SFMBT2: variants seen among roughly 807,000 people sequenced by gnomAD.
The protein encoded by SFMBT2 is Scm like with four mbt domains 2, also known as scm-like with four MBT domains protein 2.
Under a neutral mutation model 110.1 loss-of-function variants are expected in SFMBT2, and 38 were observed. The observed-to-expected ratio is 0.35, with a 90% CI of 0.27 to 0.45. SFMBT2 has a LOEUF of 0.45. SFMBT2 is among the 20% of genes least tolerant of loss of function. The pLI, the probability that SFMBT2 is intolerant of heterozygous loss-of-function variation, is 1.00. For missense variants in SFMBT2, 1,011 were observed against 1,094.9 expected (o/e 0.92, Z 1.08); for synonymous variants, 425 against 425.4 (o/e 1.00, Z 0.01).
At chr10:7,194,580 A>G (rs547727022) in intron 15 of SFMBT2, among the ~76,000 whole-genome samples, 4 of 152,298 alleles carry the variant, frequency 2.6e-5, no homozygotes, top group African/African-American at 9.6e-5. Flanking sequence ...CTTTACTTCC[A>G]TTACCTCGTT....
At chr10:7,364,721 G>A (rs189697360) in intron 4 of SFMBT2, among the ~76,000 whole-genome samples, 26 of 152,340 alleles carry the variant, frequency 1.7e-4, no homozygotes, top group African/African-American at 5.5e-4. Flanking sequence ...GATGGGGCCT[G>A]AGGCTCCCAC....
chr10:7,253,842 A>AAC (rs1554793854), intron 7 of SFMBT2, among the ~76,000 whole-genome samples: 1 of 151,796 alleles, frequency 6.6e-6, no homozygotes, highest in Non-Finnish European at 1.5e-5. Context: ...AAAAAAAAAA[A>AAC]ATCCCTCTAT....
intron 4 of SFMBT2, among the ~76,000 whole-genome samples, chr10:7,315,723 A>G (rs1256427632): frequency 2.0e-5 from 3 of 152,218 alleles, no homozygotes; most frequent in African/African-American, 4.8e-5. Context: ...TCAATCTGCT[A>G]CTAACCCAGA....
intron 9 of SFMBT2, among the ~76,000 whole-genome samples, chr10:7,238,714 C>G (rs1481194424): frequency 6.6e-6 from 1 of 152,224 alleles, no homozygotes; most frequent in Non-Finnish European, 1.5e-5. Context: ...ACACCTTTTA[C>G]AGCAGAAATT....
chr10:7,354,519 ACTGGT>A (rs1844434421), intron 4 of SFMBT2, among the ~76,000 whole-genome samples: 1 of 152,064 alleles, frequency 6.6e-6, no homozygotes, highest in Non-Finnish European at 1.5e-5. Flanking sequence ...AAAGGACGGC[ACTGGT>A]CTATTCTCAG....
At chr10:7,211,369 G>A (rs1564385597) in intron 11 of SFMBT2, among the ~76,000 whole-genome samples, 1 of 152,092 alleles carries the variant, frequency 6.6e-6, no homozygotes, top group South Asian at 2.1e-4. Context: ...TGCTCACCGG[G>A]AAGTCACATG....
intron 5 of SFMBT2, chr10:7,284,378 A>C (rs1293080815): frequency 7.8e-7 from 1 of 1,280,538 alleles, no homozygotes; most frequent in Non-Finnish European, 9.9e-7. Flanking sequence ...AAAAAATCAC[A>C]AGTCAATAGA....
chr10:7,369,740 C>T (rs1206747470), intron 3 of SFMBT2, among the ~76,000 whole-genome samples: 1 of 152,160 alleles, frequency 6.6e-6, no homozygotes, highest in African/African-American at 2.4e-5. Context: ...GTTTAGTTTT[C>T]CAGCTCTTTA....
chr10:7,369,426 T>C (rs911230414), intron 3 of SFMBT2, among the ~76,000 whole-genome samples: 1 of 152,230 alleles, frequency 6.6e-6, no homozygotes, highest in Non-Finnish European at 1.5e-5. Context: ...GCTAATGATA[T>C]TATACATTAC....
chr10:7,323,219 T>C (rs543775182), intron 4 of SFMBT2, among the ~76,000 whole-genome samples: 5 of 152,250 alleles, frequency 3.3e-5, no homozygotes, highest in African/African-American at 9.6e-5. Flanking sequence ...TTTGGGAGGC[T>C]GAGGCGGGTT....
chr10:7,209,191 A>T (rs1435780957), intron 11 of SFMBT2, among the ~76,000 whole-genome samples: 1 of 152,248 alleles, frequency 6.6e-6, no homozygotes, highest in Non-Finnish European at 1.5e-5. Context: ...AAAATAATCT[A>T]TTAAAAGAAT....
At chr10:7,296,414 A>G (rs1842407759) in intron 4 of SFMBT2, among the ~76,000 whole-genome samples, 1 of 152,240 alleles carries the variant, frequency 6.6e-6, no homozygotes, top group African/African-American at 2.4e-5. Context: ...AGTTCAATGG[A>G]ATAAGACACT....
chr10:7,164,778 CA>C (rs1564361585), intron 20 of SFMBT2, among the ~76,000 whole-genome samples: 8 of 151,488 alleles, frequency 5.3e-5, no homozygotes, highest in South Asian at 2.1e-4. Context: ...CACACACACA[CA>C]CACACACACA....
intron 4 of SFMBT2, chr10:7,348,115 G>A: frequency 2.1e-6 from 1 of 472,936 alleles, no homozygotes; most frequent in Non-Finnish European, 3.8e-6. Context: ...ATCTCTACGA[G>A]TCAATCAAAC....
At chr10:7,197,084 G>A (rs944814534) in intron 15 of SFMBT2, among the ~76,000 whole-genome samples, 1 of 151,874 alleles carries the variant, frequency 6.6e-6, no homozygotes, top group Non-Finnish European at 1.5e-5. Context: ...CAGGTGCTCG[G>A]AAGAGATGGA....
At chr10:7,356,276 A>T (rs959771799) in intron 4 of SFMBT2, among the ~76,000 whole-genome samples, 1 of 152,244 alleles carries the variant, frequency 6.6e-6, no homozygotes, top group African/African-American at 2.4e-5. Flanking sequence ...GCTAACCTCA[A>T]AGGCTGCTCA....
chr10:7,359,212 G>T (rs1341813968), intron 4 of SFMBT2, among the ~76,000 whole-genome samples: 9 of 152,236 alleles, frequency 5.9e-5, no homozygotes, highest in Non-Finnish European at 4.4e-5. Context: ...GAAACCCAAG[G>T]ATCATTCAGG....
rs1837917761 is a variant in SFMBT2 at position 7,172,560 on chromosome 10, T to A, written c.2086A>T (p.Lys696Ter). Residue 696 changes from lysine (K) to a stop codon, truncating the protein, a stop_gained, in exon 18 of 21, where the codon AAA (lysine) becomes TAA (stop). Transcript: ENST00000397167. LOFTEE classifies it high-confidence loss of function. The surrounding 1 kb of genome is among the most constrained non-coding windows in gnomAD (Gnocchi z 4.6). ...CGTTTCTTCTGCACGAAAATGGATTTCCGTCGCTTCCTCCGCCTGGCGGGT... is the reference window on the plus strand; with the variant it reads ...CGTTTCTTCTGCACGAAAATGGATTACCGTCGCTTCCTCCGCCTGGCGGGT... ...PKPARRRKRR[K>*]SIFVQKKRRS... is the part of the protein sequence containing the mutation. 6.2e-7 allele frequency: 1 copy of A among 1,614,218 alleles called. No individual in the cohort carries two copies. Among genetic ancestry groups the A allele is most frequent in the Admixed American group, 1.7e-5 (1 of 60,032 alleles).
chr10:7,203,725 T>C (rs941410515), intron 12 of SFMBT2: 6 of 969,620 alleles, frequency 6.2e-6, no homozygotes, highest in Non-Finnish European at 7.4e-6. Flanking sequence ...AGCTTTTTTT[T>C]TGTGAGACAG....
Sources: allele counts gnomAD v4.1 joint callset (sites outside exome capture counted in the v4.1 genomes callset), GRCh38; gene constraint gnomAD v4.1.1; non-coding constraint Gnocchi (gnomAD v3.1); transcripts MANE v1.5; gene names NCBI Gene and HGNC (gene_info 2026-07-23, HGNC 2026-07-21).